The following DSCAML1 variants were observed in gnomAD, a reference collection of about 807,000 sequenced individuals.
The protein encoded by DSCAML1 is cell adhesion molecule DSCAML1.
DSCAML1 carries 38 observed loss-of-function variants against 200.5 expected under a neutral mutation model. The observed-to-expected ratio is 0.19, with a 90% CI of 0.15 to 0.25. The LOEUF is 0.25. Ranked by LOEUF, DSCAML1 falls within the 10% of genes least tolerant of loss-of-function variation. The probability of loss-of-function intolerance (pLI) is 1.00; values close to 1 mark genes in which losing one functional copy is unlikely to be tolerated. For missense variants in DSCAML1, 2,223 were observed against 2,858.8 expected (o/e 0.78, Z 5.07); for synonymous variants, 1,215 against 1,165.0 (o/e 1.04, Z -0.87).
intron 1 of DSCAML1, among the ~76,000 whole-genome samples, chr11:117,791,551 C>G (rs1455193211): frequency 6.6e-6 from 1 of 152,214 alleles, no homozygotes; most frequent in Non-Finnish European, 1.5e-5. Flanking sequence ...GAGCCAACTT[C>G]AGCCCTCTTC....
At chr11:117,569,828 C>T (rs1337116286) in intron 3 of DSCAML1, among the ~76,000 whole-genome samples, 1 of 152,230 alleles carries the variant, frequency 6.6e-6, no homozygotes, top group Non-Finnish European at 1.5e-5. Context: ...CACACTTACT[C>T]TCTTCTCCCC....
At chr11:117,620,413 T>G (rs992966311) in intron 3 of DSCAML1, among the ~76,000 whole-genome samples, 2 of 152,128 alleles carry the variant, frequency 1.3e-5, no homozygotes, top group African/African-American at 2.4e-5. Context: ...CCCCTAAGAT[T>G]AGATTGGATT....
intron 3 of DSCAML1, among the ~76,000 whole-genome samples, chr11:117,764,342 A>G (rs537239467): frequency 4.6e-5 from 7 of 152,318 alleles, no homozygotes; most frequent in Non-Finnish European, 1.0e-4. Flanking sequence ...ATATGTACAA[A>G]TTACATCATG....
chr11:117,496,431 G>T (rs576576849), intron 11 of DSCAML1, among the ~76,000 whole-genome samples: 1 of 152,178 alleles, frequency 6.6e-6, no homozygotes, highest in Non-Finnish European at 1.5e-5. Flanking sequence ...TTAGGGCAGG[G>T]CTTGGAGGCA....
chr11:117,534,007 G>A (rs1305366450), intron 3 of DSCAML1, among the ~76,000 whole-genome samples: 1 of 152,232 alleles, frequency 6.6e-6, no homozygotes, highest in Non-Finnish European at 1.5e-5. Flanking sequence ...CAAAGCTGCA[G>A]GGGAGAGGGT....
At chr11:117,675,072 C>G (rs887218137) in intron 3 of DSCAML1, among the ~76,000 whole-genome samples, 5 of 152,152 alleles carry the variant, frequency 3.3e-5, no homozygotes, top group African/African-American at 1.2e-4. Flanking sequence ...AAGTTATCGC[C>G]CATTCTGTTT....
At chr11:117,814,647 T>A (rs1261750739) in intron 1 of DSCAML1, among the ~76,000 whole-genome samples, 1 of 152,226 alleles carries the variant, frequency 6.6e-6, no homozygotes, top group Non-Finnish European at 1.5e-5. Flanking sequence ...AACTTTCAGA[T>A]GCAATCCCTC....
In DSCAML1 at chr11:117,428,529, G is replaced by T; in HGVS notation, c.5961C>A (p.Ala1987=). ...PAPPAGTAPP[A]PGPTPAEPPT... ...GTGGCTCAGCAGGGGTGGGGCCGGGGGCTGGGGGGGCTGTGCCGGCTGGGG... is the reference window on the plus strand; with the variant it reads ...GTGGCTCAGCAGGGGTGGGGCCGGGTGCTGGGGGGGCTGTGCCGGCTGGGG... Residue 1987 remains alanine (A), a synonymous_variant, in exon 33 of 33, where the codon GCC becomes GCA. Coordinates refer to ENST00000651296, the MANE Select transcript of DSCAML1 (RefSeq NM_020693.4). The T allele has an allele frequency of 6.6e-7, 1 of 1,507,014 alleles. No homozygotes were observed. The highest frequency in any genetic ancestry group is 9.0e-7 in the Non-Finnish European group (1 of 1,115,660). The allele number at this position is 1,507,014 out of a possible 1,614,324, so 93.4% of individuals were successfully genotyped here.
intron 30 of DSCAML1, 88 bp downstream of exon 30, chr11:117,432,264 C>CT (rs2047816127): frequency 7.1e-7 from 1 of 1,407,778 alleles, no homozygotes. Flanking sequence ...TCCCTCCTCC[C>CT]TTTAAAAAAA....
chr11:117,548,459 G>A (rs1182618295), intron 3 of DSCAML1, among the ~76,000 whole-genome samples: 1 of 152,116 alleles, frequency 6.6e-6, no homozygotes, highest in East Asian at 1.9e-4. Flanking sequence ...GCCCCTCTTA[G>A]ACCCTCTCTT....
chr11:117,735,115 G>A (rs1309967942), intron 3 of DSCAML1, among the ~76,000 whole-genome samples: 1 of 152,186 alleles, frequency 6.6e-6, no homozygotes, highest in African/African-American at 2.4e-5. Context: ...AGGGTGGAAA[G>A]GGCAGATGGA....
At chr11:117,646,620 A>C (rs910346103) in intron 3 of DSCAML1, among the ~76,000 whole-genome samples, 1 of 152,222 alleles carries the variant, frequency 6.6e-6, no homozygotes, top group African/African-American at 2.4e-5. Flanking sequence ...ACCAGCTCAG[A>C]CAGCCAACTG....
intron 3 of DSCAML1, among the ~76,000 whole-genome samples, chr11:117,656,390 T>A (rs541035238): frequency 6.6e-6 from 1 of 152,250 alleles, no homozygotes; most frequent in East Asian, 1.9e-4. Context: ...ATAGAGATAA[T>A]AATACCTACA....
chr11:117,681,644 C>G (rs901147027), intron 3 of DSCAML1, among the ~76,000 whole-genome samples: 2 of 152,148 alleles, frequency 1.3e-5, no homozygotes, highest in Non-Finnish European at 2.9e-5. Flanking sequence ...TCCATGGCTA[C>G]CCTGCCTCTC....
chr11:117,658,571 G>A (rs909135252), intron 3 of DSCAML1, among the ~76,000 whole-genome samples: 4 of 152,140 alleles, frequency 2.6e-5, no homozygotes, highest in Non-Finnish European at 4.4e-5. Context: ...CATAGTTTAC[G>A]CCACAGTATG....
intron 3 of DSCAML1, among the ~76,000 whole-genome samples, chr11:117,585,659 C>G (rs1023975547): frequency 2.0e-5 from 3 of 152,038 alleles, no homozygotes; most frequent in Non-Finnish European, 4.4e-5. Flanking sequence ...GGGGTGTGAC[C>G]CAATTGCTTG....
At chr11:117,493,929 G>A (rs1268561797) in intron 11 of DSCAML1, among the ~76,000 whole-genome samples, 2 of 152,050 alleles carry the variant, frequency 1.3e-5, no homozygotes, top group Non-Finnish European at 2.9e-5. Flanking sequence ...TGCCTGGCCT[G>A]GTCTTCTACT....
chr11:117,541,307 G>C (rs1297792556), intron 3 of DSCAML1, among the ~76,000 whole-genome samples: 1 of 152,170 alleles, frequency 6.6e-6, no homozygotes, highest in Non-Finnish European at 1.5e-5. Flanking sequence ...TGCTTTATTT[G>C]TCCTTGGAGC....
chr11:117,483,333 C>T (rs2048969744), intron 11 of DSCAML1, among the ~76,000 whole-genome samples: 1 of 152,154 alleles, frequency 6.6e-6, no homozygotes, highest in Non-Finnish European at 1.5e-5. Context: ...GCAACATGAA[C>T]TGGAGGAAAA....
Sources: gnomAD v4.1 joint callset for allele counts (sites outside exome capture counted in the v4.1 genomes callset) on GRCh38, gnomAD v4.1.1 for gene constraint, MANE v1.5 for transcripts, NCBI Gene and HGNC (gene_info 2026-07-23, HGNC 2026-07-21) for gene names.